Variants in ESR1 observed in about 807,000 individuals in gnomAD.
The protein encoded by ESR1 is estrogen receptor 1.
Under a neutral mutation model 52.7 loss-of-function variants are expected in ESR1, and 12 were observed. The ratio of observed to expected loss-of-function variants is 0.23; its 90% CI spans 0.15 to 0.37. The LOEUF (loss-of-function observed/expected upper bound fraction) is 0.37. ESR1 is among the 10% of genes least tolerant of loss of function. The pLI, the probability that ESR1 is intolerant of heterozygous loss-of-function variation, is 1.00. For missense variants in ESR1, 584 were observed against 779.7 expected (o/e 0.75, Z 2.99); for synonymous variants, 305 against 316.8 (o/e 0.96, Z 0.39).
intron 2 of ESR1, among the ~76,000 whole-genome samples, chr6:151,733,058 A>G (rs887764234): frequency 6.6e-6 from 1 of 152,204 alleles, no homozygotes; most frequent in African/African-American, 2.4e-5. Context: ...AACAGATTAC[A>G]TTTATTTATG....
intron 4 of ESR1, among the ~76,000 whole-genome samples, chr6:151,960,654 T>C (rs1314642862): frequency 1.3e-5 from 2 of 152,166 alleles, no homozygotes; most frequent in East Asian, 3.9e-4. Context: ...TGGCTTTTAT[T>C]CTGAAGGAAA....
At chr6:151,991,831 C>T (rs1472662521) in intron 4 of ESR1, among the ~76,000 whole-genome samples, 1 of 152,192 alleles carries the variant, frequency 6.6e-6, no homozygotes, top group African/African-American at 2.4e-5. Flanking sequence ...CCCCTCCAGG[C>T]TGCTCCATCA....
intron 4 of ESR1, among the ~76,000 whole-genome samples, chr6:151,951,420 A>G (rs2036311837): frequency 6.6e-6 from 1 of 152,224 alleles, no homozygotes; most frequent in Non-Finnish European, 1.5e-5. Flanking sequence ...ATTTTTTCCA[A>G]TTCTGAAATC....
chr6:151,717,150 C>A (rs1355529925), intron 2 of ESR1, among the ~76,000 whole-genome samples: 1 of 152,176 alleles, frequency 6.6e-6, no homozygotes, highest in Non-Finnish European at 1.5e-5. Context: ...TGAGGCGATG[C>A]CCCACCCTGC....
intron 3 of ESR1, among the ~76,000 whole-genome samples, chr6:151,909,396 C>A (rs1423675210): frequency 1.3e-5 from 2 of 152,160 alleles, no homozygotes; most frequent in Non-Finnish European, 2.9e-5. Context: ...GACTCTAGAG[C>A]ACCTTAGGCC....
rs201047018 is a variant in ESR1, at chr6:151,752,468, C to CT, written c.-71+50480dup. Among the ~76,000 whole-genome samples the CT allele has an allele frequency of 8.3e-3, 1,088 of 131,570 alleles. 6 individuals are homozygous for CT. The highest frequency in any genetic ancestry group is 0.018 in the African/African-American group (674 of 36,616). 86.3% of individuals were successfully genotyped at this position (131,570 alleles called of 152,430 possible). ...AATTTTCATATCTATACTGCAACTG[C>CT]TTTTTTTTTTTTTTTTTAGAAATCT... On this transcript the variant is annotated intron_variant, in intron 2 of 2. Transcript: ENST00000404742.
intron 3 of ESR1, among the ~76,000 whole-genome samples, chr6:151,929,446 G>A (rs2128481243): frequency 6.6e-6 from 1 of 152,112 alleles, no homozygotes; most frequent in East Asian, 1.9e-4. Context: ...TAACATATCA[G>A]AGTTATTACA....
In ESR1 at chr6:152,103,035, T is replaced by TA. The variant is rs531469051; in HGVS notation, c.*4070dup. 10 of 223,148 alleles carry TA rather than the reference T, an allele frequency of 4.5e-5. No individual in the cohort carries two copies. In the South Asian group the frequency reaches 1.5e-3, roughly 33 times the overall value. The allele number at this position is 223,148 out of a possible 1,614,324, so 13.8% of individuals were successfully genotyped here. A position where few individuals can be genotyped will look rare whatever the true frequency, so the allele number is the denominator to read the frequency against. On this transcript the variant is annotated 3_prime_UTR_variant, in exon 8 of 8. Transcript: ENST00000206249. ...TTTGTGCACTACATACTCTTCAGTG[T>TA]AGAGCTCTTGTTTTATGGGAAAAGG... is the stretch of plus-strand genomic sequence containing the variant.
intron 4 of ESR1, among the ~76,000 whole-genome samples, chr6:151,956,433 A>T (rs2036922205): frequency 6.6e-6 from 1 of 152,202 alleles, no homozygotes; most frequent in Non-Finnish European, 1.5e-5. Context: ...GAAGGAGCAG[A>T]AATGGAGCAG....
chr6:152,034,278 TAAAG>T (rs1237635150), intron 5 of ESR1, among the ~76,000 whole-genome samples: 1 of 123,006 alleles, frequency 8.1e-6, no homozygotes, highest in Non-Finnish European at 1.6e-5. Flanking sequence ...CCCTAAAACT[TAAAG>T]TACAATAAAA....
intron 2 of ESR1, among the ~76,000 whole-genome samples, chr6:151,741,230 C>T (rs547887484): frequency 6.6e-6 from 1 of 152,200 alleles, no homozygotes; most frequent in African/African-American, 2.4e-5. Context: ...CTTCTTCCTC[C>T]TTCTCCTCCT....
chr6:151,688,191 A>G (rs1778763109), upstream of ESR1, among the ~76,000 whole-genome samples: 1 of 152,234 alleles, frequency 6.6e-6, no homozygotes. Flanking sequence ...AAACTTCAAA[A>G]TGATTCATAA....
At chr6:152,028,671 C>G (rs951139295) in intron 5 of ESR1, among the ~76,000 whole-genome samples, 4 of 152,164 alleles carry the variant, frequency 2.6e-5, no homozygotes, top group African/African-American at 9.7e-5. Flanking sequence ...TGGAGCCCAC[C>G]GCAGCTCAAG....
intron 5 of ESR1, among the ~76,000 whole-genome samples, chr6:152,045,872 TAGTA>T (rs764700332): frequency 2.0e-5 from 3 of 152,208 alleles, no homozygotes; most frequent in African/African-American, 2.4e-5. Context: ...TTGTGGAAGT[TAGTA>T]AGTCTACAAA....
At chr6:151,658,888 G>A (rs1254332410) in intron 1 of ESR1, among the ~76,000 whole-genome samples, 1 of 152,164 alleles carries the variant, frequency 6.6e-6, no homozygotes, top group Non-Finnish European at 1.5e-5. Flanking sequence ...CTAAATCCAG[G>A]TTTTAAATAT....
chr6:152,081,326 C>G (rs893689396), intron 6 of ESR1, among the ~76,000 whole-genome samples: 16 of 152,140 alleles, frequency 1.1e-4, no homozygotes, highest in African/African-American at 3.9e-4. Flanking sequence ...GAAACTGACT[C>G]AAATCCACAC....
intron 1 of ESR1, among the ~76,000 whole-genome samples, chr6:151,664,869 G>A (rs1234011666): frequency 6.6e-6 from 1 of 152,154 alleles, no homozygotes; most frequent in East Asian, 1.9e-4. Context: ...AATTGAGAAC[G>A]AGGTAGGAAT....
intron 5 of ESR1, among the ~76,000 whole-genome samples, chr6:152,057,899 G>C: frequency 6.6e-6 from 1 of 152,156 alleles, no homozygotes; most frequent in East Asian, 1.9e-4. Flanking sequence ...CTTGCTGGAA[G>C]AGTCAAGAAC....
intron 6 of ESR1, among the ~76,000 whole-genome samples, chr6:152,064,147 G>A (rs578086824): frequency 6.6e-6 from 1 of 152,352 alleles, no homozygotes; most frequent in East Asian, 1.9e-4. Context: ...CCACACCAAA[G>A]GACAGAGGCA....
Sources: gnomAD v4.1 joint callset for allele counts (sites outside exome capture counted in the v4.1 genomes callset) on GRCh38, gnomAD v4.1.1 for gene constraint, MANE v1.5 for transcripts, NCBI Gene and HGNC (gene_info 2026-07-23, HGNC 2026-07-21) for gene names.